The following AGFG2 variants were observed in gnomAD, a reference collection of about 807,000 sequenced individuals.
AGFG2 encodes the protein arf-GAP domain and FG repeat-containing protein 2.
AGFG2 carries 31 observed loss-of-function variants against 48.0 expected under a neutral mutation model. That is an observed-to-expected ratio of 0.65 (90% CI 0.49 to 0.87). The LOEUF is 0.87. Ranked by LOEUF, AGFG2 falls within the 40% of genes least tolerant of loss-of-function variation. AGFG2 has a pLI of 0.00. For synonymous variants in AGFG2, 229 were observed against 260.8 expected, an observed-to-expected ratio of 0.88 and a Z score of 1.18; for missense variants, 599 against 632.6, an observed-to-expected ratio of 0.95 and a Z score of 0.57.
intron 3 of AGFG2, among the ~76,000 whole-genome samples, chr7:100,551,682 G>A (rs1318509599): frequency 2.0e-5 from 3 of 150,272 alleles, no homozygotes; most frequent in Admixed American, 6.6e-5. Context: ...TCAGGAGTTC[G>A]AGACTAGCCT....
chr7:100,539,283 G>GAGGCGGGA lies in AGFG2; in HGVS notation c.-57_-50dup. 1 of 1,270,188 alleles carries GAGGCGGGA rather than the reference G, an allele frequency of 7.9e-7. No homozygotes were observed. Among genetic ancestry groups the GAGGCGGGA allele is most frequent in the Non-Finnish European group, 1.0e-6 (1 of 1,004,422 alleles). 78.7% of individuals were successfully genotyped at this position (1,270,188 alleles called of 1,614,324 possible). A position where few individuals can be genotyped will look rare whatever the true frequency, so the allele number is the denominator to read the frequency against. ...AGCCGGGCGTGCGGAGGCGGCTGAGGAGGCGGGAAGGCGGCAGTGGTTGAA... is the reference window on the plus strand; with the variant it reads ...AGCCGGGCGTGCGGAGGCGGCTGAGGAGGCGGGAAGGCGGGAAGGCGGCAGTGGTTGAA... On this transcript the variant is annotated 5_prime_UTR_variant, in exon 1 of 12. An upstream open reading frame in the 5' UTR loses its in-frame stop. Coordinates refer to ENST00000300176, the MANE Select transcript of AGFG2 (RefSeq NM_006076.5).
intron 3 of AGFG2, among the ~76,000 whole-genome samples, chr7:100,553,113 A>G (rs12216707): frequency 6.6e-6 from 1 of 151,988 alleles, no homozygotes; most frequent in Non-Finnish European, 1.5e-5. Context: ...ACATTGCCCC[A>G]CTGCACTCCA....
chr7:100,549,732 A>G lies in AGFG2; in HGVS notation c.316-664A>G, dbSNP rs140333743. Among the ~76,000 whole-genome samples the G allele has an allele frequency of 1.5e-3, 234 of 152,024 alleles. 1 individual carries two copies. In the East Asian group the frequency reaches 0.015, roughly 10 times the overall value. On this transcript the variant is annotated intron_variant, in intron 2 of 11. Transcript: ENST00000300176. Reference sequence around the variant, plus strand: ...GAGACAAGCTCTTGCTTGCTCTGTCACCCAGGCTGGAGCTTAATGGTGCAA... The same window carrying G: ...GAGACAAGCTCTTGCTTGCTCTGTCGCCCAGGCTGGAGCTTAATGGTGCAA...
At chr7:100,554,861 C>G (rs1800724793) in intron 5 of AGFG2, among the ~76,000 whole-genome samples, 1 of 148,038 alleles carries the variant, frequency 6.8e-6, no homozygotes. Context: ...TTGCTTGAAC[C>G]TAGGAGGTGG....
At position 100,566,975 on chromosome 7, in the gene AGFG2, G is replaced by C. The variant is rs1215341938; in HGVS notation, c.*1984G>C. ...CTTCCCTTAATGCCAGGAGCGCCGA[G>C]GTTTGGAACTGAGGCTAAACCGAAG... On this transcript the variant is annotated 3_prime_UTR_variant, in exon 12 of 12. Coordinates refer to ENST00000300176, the MANE Select transcript of AGFG2 (RefSeq NM_006076.5). 6.6e-6 allele frequency: 1 copy of C among 152,480 alleles called. No homozygotes were observed. The highest frequency in any genetic ancestry group is 2.4e-5 in the African/African-American group (1 of 41,450). 9.4% of individuals were successfully genotyped at this position (152,480 alleles called of 1,614,324 possible).
chr7:100,544,239 C>T (rs925083435), intron 1 of AGFG2, among the ~76,000 whole-genome samples: 4 of 152,180 alleles, frequency 2.6e-5, no homozygotes, highest in African/African-American at 9.7e-5. Context: ...CATCTTCAAT[C>T]CATCGTTCTT....
intron 3 of AGFG2, among the ~76,000 whole-genome samples, chr7:100,551,049 TA>T (rs1800624372): frequency 1.3e-5 from 1 of 78,772 alleles, no homozygotes; most frequent in African/African-American, 4.2e-5. Context: ...TATATATATA[TA>T]TATATATATA....
rs778701263 is a variant in AGFG2, at chr7:100,562,821, C to A, written c.1088-42C>A. On this transcript the variant is annotated intron_variant, in intron 8 of 11. Coordinates refer to ENST00000300176, the MANE Select transcript of AGFG2 (RefSeq NM_006076.5). The surrounding 1 kb of genome is among the most constrained non-coding windows in gnomAD (Gnocchi z 5.4). ...ATGAAGCACGTGAGAAAAAAAGTAACCATCTCTCTCTTTCCTGCCGCTCCC... is the reference window on the plus strand; with the variant it reads ...ATGAAGCACGTGAGAAAAAAAGTAAACATCTCTCTCTTTCCTGCCGCTCCC... 5.0e-6 allele frequency: 8 copies of A among 1,607,492 alleles called. No individual in the cohort carries two copies. Among genetic ancestry groups the A allele is most frequent in the Non-Finnish European group, 6.0e-6 (7 of 1,174,352 alleles).
chr7:100,542,063 T>TGGA (rs959777109), intron 1 of AGFG2, among the ~76,000 whole-genome samples: 3 of 152,120 alleles, frequency 2.0e-5, no homozygotes, highest in African/African-American at 7.2e-5. Flanking sequence ...TTGCTTAGGC[T>TGGA]GGAGTGCAAT....
rs886753395 is a variant in AGFG2 at position 100,539,340 on chromosome 7, G to A, written c.-7G>A. 7.9e-7 allele frequency: 1 copy of A among 1,270,678 alleles called. No individual in the cohort carries two copies. The highest frequency in any genetic ancestry group is 1.5e-5 in the African/African-American group (1 of 64,630). 78.7% of individuals were successfully genotyped at this position (1,270,678 alleles called of 1,614,324 possible). Reference sequence around the variant, plus strand: ...ATTGCTGACTAGCGGGGAGGGAGTGGGCAGCGATGGTGATGGCGGCGAAGA... The same window carrying A: ...ATTGCTGACTAGCGGGGAGGGAGTGAGCAGCGATGGTGATGGCGGCGAAGA... On this transcript the variant is annotated 5_prime_UTR_variant, in exon 1 of 12. Coordinates refer to ENST00000300176, the MANE Select transcript of AGFG2 (RefSeq NM_006076.5).
At chr7:100,556,498 C>A in intron 6 of AGFG2, 1 of 1,104,588 alleles carries the variant, frequency 9.1e-7, no homozygotes, top group South Asian at 1.4e-5. Flanking sequence ...GCAGTGCTCG[C>A]CGTCAGGCTC....
At chr7:100,551,290 C>T (rs1017449342) in intron 3 of AGFG2, among the ~76,000 whole-genome samples, 7 of 150,860 alleles carry the variant, frequency 4.6e-5, no homozygotes, top group South Asian at 2.1e-4. Context: ...AGGATGGTCT[C>T]GATCTCCTGA....
At chr7:100,546,166 C>A (rs545335065) in intron 1 of AGFG2, among the ~76,000 whole-genome samples, 7 of 148,874 alleles carry the variant, frequency 4.7e-5, no homozygotes, top group Non-Finnish European at 8.9e-5. Flanking sequence ...TGCCGCCCCC[C>A]CCGCCCGCCA....
chr7:100,565,159 A>G lies in AGFG2; in HGVS notation c.*168A>G. ...AAGGTGGCTGCCCTCAGATTCCACAAAGCCTCTCTCCCCTCCCTCGTCCCA... is the reference window on the plus strand; with the variant it reads ...AAGGTGGCTGCCCTCAGATTCCACAGAGCCTCTCTCCCCTCCCTCGTCCCA... On this transcript the variant is annotated 3_prime_UTR_variant, in exon 12 of 12. Transcript: ENST00000300176. 2.6e-6 allele frequency: 2 copies of G among 770,230 alleles called. No homozygotes were observed. Among genetic ancestry groups the G allele is most frequent in the Non-Finnish European group, 4.4e-6 (2 of 458,400 alleles). 47.7% of individuals were successfully genotyped at this position (770,230 alleles called of 1,614,324 possible). A position where few individuals can be genotyped will look rare whatever the true frequency, so the allele number is the denominator to read the frequency against.
chr7:100,555,637 C>T lies in AGFG2; in HGVS notation c.779C>T (p.Ala260Val). ...GGQTPSQGGF[A>V]NFDAFSSGPS... ...CAGACACCTTCCCAAGGAGGCTTTGCCAACTTTGATGCCTTTAGCAGTGGC... is the reference window on the plus strand; with the variant it reads ...CAGACACCTTCCCAAGGAGGCTTTGTCAACTTTGATGCCTTTAGCAGTGGC... The change falls in exon 6 of 12, where the codon GCC becomes GTC. Residue 260 changes from alanine (A) to valine (V), a missense_variant. Transcript: ENST00000300176. The T allele has an allele frequency of 3.7e-6, 6 of 1,613,936 alleles. No individual in the cohort carries two copies. The highest frequency in any genetic ancestry group is 4.2e-6 in the Non-Finnish European group (5 of 1,179,882).
chr7:100,554,493 C>T (rs1000790168), intron 5 of AGFG2, among the ~76,000 whole-genome samples: 3 of 152,168 alleles, frequency 2.0e-5, no homozygotes, highest in Non-Finnish European at 4.4e-5. Context: ...TTTTAGAACA[C>T]TGGAAATAGC....
intron 1 of AGFG2, among the ~76,000 whole-genome samples, chr7:100,543,585 C>T (rs566252057): frequency 9.2e-4 from 140 of 152,146 alleles, no homozygotes; most frequent in Non-Finnish European, 1.6e-3. Context: ...TTGGATTGGC[C>T]GATGTAGCAA....
intron 1 of AGFG2, among the ~76,000 whole-genome samples, chr7:100,544,086 C>T (rs189065270): frequency 9.8e-5 from 15 of 152,304 alleles, no homozygotes; most frequent in South Asian, 2.1e-4. Flanking sequence ...TGCCTGAATG[C>T]GTCTGTGAAT....
rs570883974 is a variant in AGFG2 at position 100,547,913 on chromosome 7, C to T, written c.222-909C>T. Among the ~76,000 whole-genome samples, 3 of 152,306 alleles carry T rather than the reference C, an allele frequency of 2.0e-5. No individual in the cohort carries two copies. In the East Asian group the frequency reaches 5.8e-4, roughly 29 times the overall value. On this transcript the variant is annotated intron_variant, in intron 1 of 11. Coordinates refer to ENST00000300176, the MANE Select transcript of AGFG2 (RefSeq NM_006076.5). ...CCTCTCCATCCCACCACCACTCCAC[C>T]CTTCTTTGTAGACACAAGGAGGACC...
Sources: allele counts gnomAD v4.1 joint callset (sites outside exome capture counted in the v4.1 genomes callset), GRCh38; gene constraint gnomAD v4.1.1; non-coding constraint Gnocchi (gnomAD v3.1); transcripts MANE v1.5; gene names NCBI Gene and HGNC (gene_info 2026-07-23, HGNC 2026-07-21).